TPCN2: variants seen among roughly 807,000 people sequenced by gnomAD.
The protein encoded by TPCN2 is two pore segment channel 2.
A neutral mutation model predicts 111.4 loss-of-function variants in TPCN2; 92 were observed. That is an observed-to-expected ratio of 0.83 (90% CI 0.70 to 0.98). The LOEUF is 0.98. Among genes scored for constraint, TPCN2 ranks in the 50% least tolerant of loss-of-function variants. The pLI is 0.00. For synonymous variants in TPCN2, 405 were observed against 414.5 expected (o/e 0.98, Z 0.28); for missense variants, 995 against 980.1 (o/e 1.02, Z -0.20).
intron 9 of TPCN2, 60 bp downstream of exon 9, chr11:69,070,555 T>A: frequency 7.6e-7 from 1 of 1,312,154 alleles, no homozygotes; most frequent in Non-Finnish European, 1.1e-6. Context: ...CAGGGACCGA[T>A]ACACCCTGCT....
chr11:69,090,232 C>T lies in TPCN2; in HGVS notation c.*2279C>T, dbSNP rs1309903706. The T allele has an allele frequency of 7.0e-6, 1 of 142,842 alleles. No individual in the cohort carries two copies. Among genetic ancestry groups the T allele is most frequent in the South Asian group, 2.2e-4 (1 of 4,610 alleles). 8.8% of individuals were successfully genotyped at this position (142,842 alleles called of 1,614,324 possible). A position where few individuals can be genotyped will look rare whatever the true frequency, so the allele number is the denominator to read the frequency against. ...CAGCTGGGAATGATACTAATACCTC[C>T]GATTTTAGCCCAGCACCACAGGGTA... On this transcript the variant is annotated 3_prime_UTR_variant, in exon 25 of 25. Coordinates refer to ENST00000294309, the MANE Select transcript of TPCN2 (RefSeq NM_139075.4).
chr11:69,081,380 C>A lies in TPCN2; in HGVS notation c.1590-20C>A, dbSNP rs1323990977. On this transcript the variant is annotated intron_variant, in intron 17 of 24. Transcript: ENST00000294309. Reference sequence around the variant, plus strand: ...GGGCTCCTGGGCTCCTCCCAACCCGCCTCCCGTGTCTCTCCCCAGGAGGCC... The same window carrying A: ...GGGCTCCTGGGCTCCTCCCAACCCGACTCCCGTGTCTCTCCCCAGGAGGCC... 6.5e-7 allele frequency: 1 copy of A among 1,528,244 alleles called. No individual in the cohort carries two copies. Among genetic ancestry groups the A allele is most frequent in the Non-Finnish European group, 8.8e-7 (1 of 1,134,532 alleles). The allele number at this position is 1,528,244 out of a possible 1,614,324, so 94.7% of individuals were successfully genotyped here.
intron 1 of TPCN2, 147 bp from the exon 2 acceptor site, chr11:69,053,886 A>C (rs1025966767): frequency 4.4e-6 from 3 of 684,492 alleles, no homozygotes; most frequent in Non-Finnish European, 7.6e-6. Flanking sequence ...GGGCAGGTAC[A>C]TGCAGCCCCA....
intron 6 of TPCN2, 39 bp from the exon 7 acceptor site, chr11:69,063,856 C>G: frequency 6.2e-7 from 1 of 1,605,450 alleles, no homozygotes; most frequent in Non-Finnish European, 8.5e-7. Flanking sequence ...CCTGCCTGCC[C>G]GCCGCCTGGC....
intron 24 of TPCN2, 41 bp downstream of exon 24, chr11:69,087,247 A>G (rs1856324167): frequency 6.4e-7 from 1 of 1,566,588 alleles, no homozygotes; most frequent in African/African-American, 1.4e-5. Context: ...GCCCCCTGGG[A>G]TGGGAAGCCA....
At chr11:69,054,331 C>G in intron 2 of TPCN2, 1 of 582,730 alleles carries the variant, frequency 1.7e-6, no homozygotes. Flanking sequence ...CTGTTGTGGA[C>G]CACCCCATTC....
At position 69,081,416 on chromosome 11, in the gene TPCN2, G is replaced by A; in HGVS notation, c.1606G>A (p.Gly536Ser). The change falls in exon 18 of 25, where the codon GGC becomes AGC. Residue 536 changes from glycine (G) to serine (S), a missense_variant. Physicochemically the swap from Gly to Ser is moderately conservative, Grantham distance 56. Transcript: ENST00000294309. ...TCTCCCCAGGAGGCCGGAGATGGTGGGCCTGCTGTCGCTGTGGGACATGAC... is the reference window on the plus strand; with the variant it reads ...TCTCCCCAGGAGGCCGGAGATGGTGAGCCTGCTGTCGCTGTGGGACATGAC... The part of the protein sequence containing the change: ...PHPGWRPEMV[G>S]LLSLWDMTRM... 1 of 1,556,742 alleles carries A rather than the reference G, an allele frequency of 6.4e-7. No individual in the cohort carries two copies. Among genetic ancestry groups the A allele is most frequent in the Admixed American group, 1.9e-5 (1 of 52,922 alleles).
intron 13 of TPCN2, among the ~76,000 whole-genome samples, chr11:69,077,252 C>T (rs371318831): frequency 0.079 from 800 of 10,162 alleles, 11 homozygotes; most frequent in Middle Eastern, 0.33. Flanking sequence ...CCTCCTGCCA[C>T]GTCCCTCCAC....
rs1551310 is a variant in TPCN2 at position 69,089,570 on chromosome 11, C to T, written c.*1617C>T. The T allele has an allele frequency of 0.87, 133,112 of 152,308 alleles. 59,690 individuals carry two copies. The highest frequency in any genetic ancestry group is 0.99 in the Non-Finnish European group (67,400 of 68,060). The allele number at this position is 152,308 out of a possible 1,614,324, so 9.4% of individuals were successfully genotyped here. On this transcript the variant is annotated 3_prime_UTR_variant, in exon 25 of 25. Coordinates refer to ENST00000294309, the MANE Select transcript of TPCN2 (RefSeq NM_139075.4). The stretch of plus-strand genomic sequence containing the variant: ...TGTGGTAGGTTCTGGGTCTGCGTTT[C>T]GTCTAGGAGTGTCACAGGATGGACA...
intron 7 of TPCN2, among the ~76,000 whole-genome samples, chr11:69,064,972 G>GTGTA (rs1855202065): frequency 6.9e-6 from 1 of 145,476 alleles, no homozygotes; most frequent in Non-Finnish European, 1.5e-5. Context: ...GTCTGTGCAT[G>GTGTA]GTGTCTGTAT....
intron 13 of TPCN2, among the ~76,000 whole-genome samples, chr11:69,076,670 C>G (rs1434313650): frequency 1.0e-5 from 1 of 95,358 alleles, no homozygotes; most frequent in East Asian, 3.4e-4. Context: ...TCCACCTGCC[C>G]TCCTGCCGTG....
At position 69,054,101 on chromosome 11, in the gene TPCN2, G is replaced by A. The variant is rs370877361; in HGVS notation, c.174+4G>A. 90 of 1,612,336 alleles carry A rather than the reference G, an allele frequency of 5.6e-5. No homozygotes were observed. The African/African-American group carries it at 9.9e-4, about 18-fold the overall frequency. On this transcript the variant is annotated splice_donor_region_variant and intron_variant, in intron 2 of 24. Coordinates refer to ENST00000294309, the MANE Select transcript of TPCN2 (RefSeq NM_139075.4). The stretch of plus-strand genomic sequence containing the variant: ...CTTCATCGAAGATGCTATTCAGGTC[G>A]GTGGCACCTGCTCCCTGTGGCCGGG...
chr11:69,076,675 GCCGTGTCCCT>G (rs2134606702), intron 13 of TPCN2, among the ~76,000 whole-genome samples: 1 of 84,770 alleles, frequency 1.2e-5, no homozygotes, highest in East Asian at 3.8e-4. Context: ...CTGCCCTCCT[GCCGTGTCCCT>G]CCACCTGCCC....
At position 69,054,027 on chromosome 11, in the gene TPCN2, C is replaced by A. The variant is rs781452582; in HGVS notation, c.110-6C>A. On this transcript the variant is annotated splice_polypyrimidine_tract_variant and splice_region_variant and intron_variant, in intron 1 of 24. Transcript: ENST00000294309. ...CGGTCACCTGATGTGTCCCCTCTGCCTGCAGGTGCCGCGGCCAGGTGGGAC... is the reference window on the plus strand; with the variant it reads ...CGGTCACCTGATGTGTCCCCTCTGCATGCAGGTGCCGCGGCCAGGTGGGAC... 3.1e-6 allele frequency: 5 copies of A among 1,613,446 alleles called. No individual in the cohort carries two copies. Among genetic ancestry groups the A allele is most frequent in the Non-Finnish European group, 4.2e-6 (5 of 1,179,736 alleles).
rs1855886443 is a variant in TPCN2, at chr11:69,078,606, G to A, written c.1350+5G>A. 2.5e-6 allele frequency: 4 copies of A among 1,613,972 alleles called. No homozygotes were observed. In the Admixed American group the frequency reaches 5.0e-5, roughly 20 times the overall value. On this transcript the variant is annotated splice_donor_5th_base_variant and intron_variant, in intron 14 of 24. Coordinates refer to ENST00000294309, the MANE Select transcript of TPCN2 (RefSeq NM_139075.4). ...GCAAACCTGGTGTCCATTTGCGTGAGTGTGGATTTGCCCCAGAGCTGGCAC... is the reference window on the plus strand; with the variant it reads ...GCAAACCTGGTGTCCATTTGCGTGAATGTGGATTTGCCCCAGAGCTGGCAC...
chr11:69,050,313 G>A (rs1861164761), intron 1 of TPCN2, among the ~76,000 whole-genome samples: 1 of 152,234 alleles, frequency 6.6e-6, no homozygotes. Flanking sequence ...CAGACTTTGT[G>A]TCTAGGGGTC....
chr11:69,084,050 G>T (rs200811368), intron 19 of TPCN2, 34 bp downstream of exon 19: 1 of 1,606,058 alleles, frequency 6.2e-7, no homozygotes, highest in Non-Finnish European at 8.5e-7. Context: ...GGCGGGTTAT[G>T]CACTGGAGTG....
rs575559194 is a variant in TPCN2 at position 69,086,395 on chromosome 11, C to T, written c.2004-128C>T. On this transcript the variant is annotated intron_variant, in intron 22 of 24. Coordinates refer to ENST00000294309, the MANE Select transcript of TPCN2 (RefSeq NM_139075.4). Reference sequence around the variant, plus strand: ...TGTTTCTGAGATGGAAATAGTAACGCGCTCTGCATCATGGTGTGTGTGGGC... The same window carrying T: ...TGTTTCTGAGATGGAAATAGTAACGTGCTCTGCATCATGGTGTGTGTGGGC... The T allele has an allele frequency of 2.1e-4, 165 of 771,538 alleles. 1 individual carries two copies. The highest frequency in any genetic ancestry group is 1.2e-4 in the East Asian group (5 of 40,742). The allele number at this position is 771,538 out of a possible 1,614,324, so 47.8% of individuals were successfully genotyped here.
chr11:69,063,223 A>G (rs550514458), intron 6 of TPCN2, among the ~76,000 whole-genome samples: 5 of 151,366 alleles, frequency 3.3e-5, no homozygotes, highest in African/African-American at 1.2e-4. Flanking sequence ...GGCTGCAAAC[A>G]CCGCGGCCCC....
Sources: gnomAD v4.1 joint callset for allele counts (sites outside exome capture counted in the v4.1 genomes callset) on GRCh38, gnomAD v4.1.1 for gene constraint, MANE v1.5 for transcripts, NCBI Gene and HGNC (gene_info 2026-07-23, HGNC 2026-07-21) for gene names.